CTIF: variants seen among roughly 807,000 people sequenced by gnomAD.
CTIF encodes cap binding complex dependent translation initiation factor, also known as CBP80/20-dependent translation initiation factor.
CTIF carries 21 observed loss-of-function variants against 66.0 expected under a neutral mutation model. That is an observed-to-expected ratio of 0.32 (90% CI 0.23 to 0.46). The LOEUF (loss-of-function observed/expected upper bound fraction) is 0.46, where lower values mean the gene tolerates loss of function less well. Ranked by LOEUF, CTIF falls within the 20% of genes least tolerant of loss-of-function variation. The pLI, the probability that CTIF is intolerant of heterozygous loss-of-function variation, is 1.00. For missense variants in CTIF, 739 were observed against 812.7 expected (o/e 0.91, Z 1.10); for synonymous variants, 345 against 326.4 (o/e 1.06, Z -0.62).
At chr18:48,779,874 C>T (rs953385216) in intron 9 of CTIF, among the ~76,000 whole-genome samples, 1 of 152,160 alleles carries the variant, frequency 6.6e-6, no homozygotes, top group Non-Finnish European at 1.5e-5. Context: ...GTTTTGCTTC[C>T]ACTTGGCAGC....
At chr18:48,782,861 C>T (rs1041854584) in intron 9 of CTIF, among the ~76,000 whole-genome samples, 2 of 152,054 alleles carry the variant, frequency 1.3e-5, no homozygotes, top group African/African-American at 2.4e-5. Context: ...GCCTGTGGCC[C>T]GGGGCAGCTG....
intron 10 of CTIF, among the ~76,000 whole-genome samples, chr18:48,827,873 G>A (rs900248530): frequency 1.8e-4 from 27 of 152,136 alleles, no homozygotes; most frequent in African/African-American, 6.3e-4. Context: ...TTAACTCAGC[G>A]GGGTGACGCC....
chr18:48,761,826 A>T lies in CTIF; in HGVS notation c.1371+137A>T. ...TCCGCCCTTGCCCGATTAATTATAG[A>T]AAACACAAAGGCAGTTAAGGGGCCA... On this transcript the variant is annotated intron_variant, in intron 9 of 11. Coordinates refer to ENST00000256413, the MANE Select transcript of CTIF (RefSeq NM_014772.3). This position sits in a 1 kb window ranked among gnomAD's most constrained non-coding sequence, Gnocchi z 4.2. The T allele has an allele frequency of 1.1e-6, 1 of 889,880 alleles. No homozygotes were observed. The highest frequency in any genetic ancestry group is 1.7e-6 in the Non-Finnish European group (1 of 598,778). The allele number at this position is 889,880 out of a possible 1,614,324, so 55.1% of individuals were successfully genotyped here. A position where few individuals can be genotyped will look rare whatever the true frequency, so the allele number is the denominator to read the frequency against.
chr18:48,663,808 C>T lies in CTIF; in HGVS notation c.309C>T (p.Asn103=). 6.2e-7 allele frequency: 1 copy of T among 1,614,148 alleles called. No individual in the cohort carries two copies. The highest frequency in any genetic ancestry group is 1.7e-5 in the Admixed American group (1 of 60,024). The change falls in exon 4 of 12, where the codon AAC becomes AAT. Residue 103 remains asparagine (N), a synonymous_variant. Transcript: ENST00000256413. The part of the protein sequence containing the change: ...DMLGTDIWAA[N]TFDSFSGATW... ...TGGGCACGGACATCTGGGCGGCCAA[C>T]ACCTTCGATTCCTTCAGGTAACCTC...
intron 1 of CTIF, among the ~76,000 whole-genome samples, chr18:48,592,881 A>G (rs1371810550): frequency 6.6e-6 from 1 of 152,180 alleles, no homozygotes; most frequent in African/African-American, 2.4e-5. Context: ...ATCGCTGCAA[A>G]ACATCTGGGG....
intron 5 of CTIF, among the ~76,000 whole-genome samples, chr18:48,666,558 CT>C (rs1715279183): frequency 6.6e-6 from 1 of 152,236 alleles, no homozygotes; most frequent in African/African-American, 2.4e-5. Context: ...GTGTGTGTTG[CT>C]GGGGAGAGGC....
Position 48,636,606 on chromosome 18 carries a change from T to G in CTIF, c.181-8T>G. 1 of 1,550,532 alleles carries G rather than the reference T, an allele frequency of 6.4e-7. No individual in the cohort carries two copies. The highest frequency in any genetic ancestry group is 1.3e-5 in the South Asian group (1 of 79,342). On this transcript the variant is annotated splice_region_variant and splice_polypyrimidine_tract_variant and intron_variant, in intron 2 of 11. Coordinates refer to ENST00000256413, the MANE Select transcript of CTIF (RefSeq NM_014772.3). ...TGCCGTCACTGATCGCTCCTTTCTGTTCTGCAGTGGACAGCGGACTGCAGC... is the reference window on the plus strand; with the variant it reads ...TGCCGTCACTGATCGCTCCTTTCTGGTCTGCAGTGGACAGCGGACTGCAGC...
intron 1 of CTIF, among the ~76,000 whole-genome samples, chr18:48,590,357 C>T (rs111477910): frequency 0.017 from 2,532 of 151,414 alleles, 68 homozygotes; most frequent in African/African-American, 0.056. Flanking sequence ...TGGGCCTGCC[C>T]GGAACTGGCC....
At chr18:48,550,193 C>T (rs1025777855) in intron 1 of CTIF, among the ~76,000 whole-genome samples, 13 of 152,166 alleles carry the variant, frequency 8.5e-5, no homozygotes, top group South Asian at 6.2e-4. Flanking sequence ...TCCACTTTCC[C>T]GACACTGGGG....
chr18:48,731,982 T>C (rs2092460420), intron 7 of CTIF, among the ~76,000 whole-genome samples: 1 of 152,244 alleles, frequency 6.6e-6, no homozygotes, highest in African/African-American at 2.4e-5. Flanking sequence ...TCTGTTTCCA[T>C]AACCAGATAG....
In CTIF at chr18:48,701,190, A is replaced by G. The variant is rs1364835174; in HGVS notation, c.508-10429A>G. On this transcript the variant is annotated intron_variant, in intron 6 of 11. Coordinates refer to ENST00000256413, the MANE Select transcript of CTIF (RefSeq NM_014772.3). Reference sequence around the variant, plus strand: ...CAGGTGGTTTTTTCAGGGGCTGCAGAATGGAAACTCTCATTCCTCATGGCC... The same window carrying G: ...CAGGTGGTTTTTTCAGGGGCTGCAGGATGGAAACTCTCATTCCTCATGGCC... Among the ~76,000 whole-genome samples, 5 of 152,088 alleles carry G rather than the reference A, an allele frequency of 3.3e-5. No individual in the cohort carries two copies. The South Asian group carries it at 8.3e-4, about 25-fold the overall frequency.
intron 6 of CTIF, among the ~76,000 whole-genome samples, chr18:48,677,666 C>T (rs537416471): frequency 6.9e-4 from 105 of 152,314 alleles, no homozygotes; most frequent in Non-Finnish European, 9.7e-4. Context: ...TATGCCTCCT[C>T]ATCACTCAAG....
chr18:48,550,108 A>T (rs1362297206), intron 1 of CTIF, among the ~76,000 whole-genome samples: 6 of 152,178 alleles, frequency 3.9e-5, no homozygotes, highest in Non-Finnish European at 7.3e-5. Context: ...GGTGCATAGG[A>T]TCCCAGGTGT....
chr18:48,551,883 C>T (rs990294244), intron 1 of CTIF, among the ~76,000 whole-genome samples: 3 of 152,056 alleles, frequency 2.0e-5, no homozygotes, highest in Non-Finnish European at 4.4e-5. Flanking sequence ...CTGCAAGCTC[C>T]GCCTCCTGGG....
intron 5 of CTIF, among the ~76,000 whole-genome samples, chr18:48,667,946 T>C (rs972295548): frequency 6.6e-6 from 1 of 152,228 alleles, no homozygotes; most frequent in Non-Finnish European, 1.5e-5. Context: ...CTTCCTGGGA[T>C]GCAGGTACCA....
At chr18:48,828,012 C>T (rs928920249) in intron 10 of CTIF, among the ~76,000 whole-genome samples, 5 of 148,378 alleles carry the variant, frequency 3.4e-5, no homozygotes, top group Non-Finnish European at 6.0e-5. Flanking sequence ...CACCTCCACT[C>T]CCGACCCTCT....
chr18:48,742,176 C>T (rs1487656946), intron 7 of CTIF, among the ~76,000 whole-genome samples: 1 of 152,182 alleles, frequency 6.6e-6, no homozygotes, highest in Non-Finnish European at 1.5e-5. Flanking sequence ...CCAGGGTGAC[C>T]AGGACCGTTT....
intron 9 of CTIF, among the ~76,000 whole-genome samples, chr18:48,805,516 G>C (rs1400591166): frequency 1.3e-5 from 2 of 152,086 alleles, no homozygotes; most frequent in Admixed American, 1.3e-4. Flanking sequence ...CTACATTGAC[G>C]TCAACTGTGA....
chr18:48,685,318 G>A (rs977515655), intron 6 of CTIF, among the ~76,000 whole-genome samples: 1 of 152,056 alleles, frequency 6.6e-6, no homozygotes, highest in African/African-American at 2.4e-5. Flanking sequence ...CGCCTCCCGG[G>A]TTCAAGTGAT....
Sources: allele counts gnomAD v4.1 joint callset (sites outside exome capture counted in the v4.1 genomes callset), GRCh38; gene constraint gnomAD v4.1.1; non-coding constraint Gnocchi (gnomAD v3.1); transcripts MANE v1.5; gene names NCBI Gene and HGNC (gene_info 2026-07-23, HGNC 2026-07-21).